XKR6: variants seen among roughly 807,000 people sequenced by gnomAD.
XKR6 encodes XK-related protein 6.
A neutral mutation model predicts 56.7 loss-of-function variants in XKR6; 22 were observed. The observed-to-expected ratio is 0.39, with a 90% CI of 0.28 to 0.55. The LOEUF is 0.55. XKR6 is among the 20% of genes least tolerant of loss of function. The pLI, the probability that XKR6 is intolerant of heterozygous loss-of-function variation, is 0.66. For missense variants in XKR6, 852 were observed against 889.0 expected (o/e 0.96, Z 0.53); for synonymous variants, 524 against 387.8 (o/e 1.35, Z -4.13).
intron 1 of XKR6, among the ~76,000 whole-genome samples, chr8:11,040,244 A>G (rs532284898): frequency 4.4e-4 from 66 of 151,636 alleles, no homozygotes; most frequent in African/African-American, 1.5e-3. Context: ...GTCCCTCAAA[A>G]CTACCACAGC....
chr8:11,006,090 C>T (rs932269250), intron 1 of XKR6, among the ~76,000 whole-genome samples: 4 of 151,950 alleles, frequency 2.6e-5, no homozygotes, highest in Non-Finnish European at 5.9e-5. Context: ...GTGATCCGCC[C>T]GCCTCGGCCT....
chr8:10,930,292 A>T (rs1191128067), intron 1 of XKR6, among the ~76,000 whole-genome samples: 1 of 152,260 alleles, frequency 6.6e-6, no homozygotes, highest in African/African-American at 2.4e-5. Flanking sequence ...TCAAAGCCCC[A>T]AACAGGGGTA....
intron 1 of XKR6, among the ~76,000 whole-genome samples, chr8:11,146,324 A>G (rs140993987): frequency 1.2e-3 from 187 of 152,342 alleles, no homozygotes; most frequent in Non-Finnish European, 2.2e-3. Flanking sequence ...CAAAAAGCAC[A>G]ACCTGTTAAA....
chr8:11,165,843 G>C (rs1162062098), intron 1 of XKR6, among the ~76,000 whole-genome samples: 1 of 151,984 alleles, frequency 6.6e-6, no homozygotes, highest in Non-Finnish European at 1.5e-5. Flanking sequence ...TGCATATACT[G>C]TGTCCTATAC....
intron 1 of XKR6, among the ~76,000 whole-genome samples, chr8:10,926,818 G>C (rs910445484): frequency 3.3e-5 from 5 of 152,258 alleles, no homozygotes; most frequent in Admixed American, 2.0e-4. Context: ...CTGCCCGTGA[G>C]TTCACAAAAT....
intron 1 of XKR6, among the ~76,000 whole-genome samples, chr8:11,186,281 T>C (rs1803269008): frequency 6.6e-6 from 1 of 152,202 alleles, no homozygotes. Flanking sequence ...TCTCCTGTGA[T>C]GTGAAGGTGT....
chr8:10,912,306 G>GTATATATA (rs535084135), intron 2 of XKR6, among the ~76,000 whole-genome samples: 1,074 of 55,104 alleles, frequency 0.019, 7 homozygotes, highest in East Asian at 0.068. Flanking sequence ...AAGAGAGGGT[G>GTATATATA]TATATATATA....
intron 1 of XKR6, among the ~76,000 whole-genome samples, chr8:10,942,434 C>A (rs977735337): frequency 6.6e-6 from 1 of 152,222 alleles, no homozygotes; most frequent in African/African-American, 2.4e-5. Flanking sequence ...TGGGCGAGGT[C>A]TCTTGCCTGT....
chr8:11,055,146 A>G (rs920933027), intron 1 of XKR6, among the ~76,000 whole-genome samples: 7 of 152,216 alleles, frequency 4.6e-5, no homozygotes, highest in African/African-American at 9.7e-5. Flanking sequence ...TATAGGGACT[A>G]CTACCCTGGA....
chr8:11,004,125 G>A (rs539618190), intron 1 of XKR6, among the ~76,000 whole-genome samples: 295 of 152,278 alleles, frequency 1.9e-3, no homozygotes, highest in African/African-American at 6.7e-3. Context: ...TGGGAGTTAT[G>A]AGGAGCCCTG....
At chr8:11,154,408 G>C (rs1801409207) in intron 1 of XKR6, among the ~76,000 whole-genome samples, 1 of 152,228 alleles carries the variant, frequency 6.6e-6, no homozygotes, top group Non-Finnish European at 1.5e-5. Context: ...CCATGGAAGA[G>C]GAGAACGGAA....
chr8:11,065,127 A>G (rs1799943066), intron 1 of XKR6, among the ~76,000 whole-genome samples: 1 of 152,244 alleles, frequency 6.6e-6, no homozygotes, highest in Non-Finnish European at 1.5e-5. Flanking sequence ...AAGACTGACT[A>G]TAACTTTCTT....
At chr8:10,948,919 T>C (rs1801631888) in intron 1 of XKR6, among the ~76,000 whole-genome samples, 1 of 152,172 alleles carries the variant, frequency 6.6e-6, no homozygotes, top group Non-Finnish European at 1.5e-5. Context: ...GTCCACATGT[T>C]AGAGCCCAAA....
chr8:11,061,628 GCCCTGAAAGACCA>G (rs1320771127), intron 1 of XKR6, among the ~76,000 whole-genome samples: 1 of 152,076 alleles, frequency 6.6e-6, no homozygotes, highest in Non-Finnish European at 1.5e-5. Flanking sequence ...CATTCAACAT[GCCCTGAAAGACCA>G]CCCTGGCCTG....
At chr8:11,094,920 G>C (rs1161527168) in intron 1 of XKR6, among the ~76,000 whole-genome samples, 1 of 152,214 alleles carries the variant, frequency 6.6e-6, no homozygotes, top group Non-Finnish European at 1.5e-5. Flanking sequence ...AGGAAGAGCA[G>C]CTAGTGGGTG....
Position 10,898,189 on chromosome 8 carries a change from G to A in XKR6, c.1689C>T (p.Phe563=). ...DLTADTCLPV[F]QVRPMGPPTP... is the part of the protein sequence containing the mutation. The stretch of plus-strand genomic sequence containing the variant: ...TAGGGGGCCCCATGGGTCTCACTTG[G>A]AAAACAGGCAAGCAAGTGTCAGCCG... The change falls in exon 3 of 3, where the codon TTC becomes TTT. Residue 563 remains phenylalanine, a synonymous_variant. Transcript: ENST00000416569. This position sits in a 1 kb window ranked among gnomAD's most constrained non-coding sequence, Gnocchi z 6.6. 6.2e-7 allele frequency: 1 copy of A among 1,614,136 alleles called. No homozygotes were observed. The highest frequency in any genetic ancestry group is 8.5e-7 in the Non-Finnish European group (1 of 1,180,020).
rs527345642 is a variant in XKR6 at position 11,071,577 on chromosome 8, C to A, written c.764+128999G>T. Among the ~76,000 whole-genome samples the A allele has an allele frequency of 2.2e-3, 325 of 148,006 alleles. 1 individual carries two copies. Among genetic ancestry groups the A allele is most frequent in the African/African-American group, 7.8e-3 (309 of 39,694 alleles). On this transcript the variant is annotated intron_variant, in intron 1 of 2. Coordinates refer to ENST00000416569, the MANE Select transcript of XKR6 (RefSeq NM_173683.4). ...AGTCCATGAGCCCCGAGTCCATGAG[C>A]CCCGAGTCCATGAGCCCCGAGTCTA...
intron 1 of XKR6, among the ~76,000 whole-genome samples, chr8:11,034,929 G>C (rs997148194): frequency 6.6e-6 from 1 of 152,208 alleles, no homozygotes; most frequent in African/African-American, 2.4e-5. Context: ...TAATGTACTA[G>C]CCAAACCCTG....
At chr8:11,082,115 G>A (rs865920145) in intron 1 of XKR6, among the ~76,000 whole-genome samples, 25 of 152,252 alleles carry the variant, frequency 1.6e-4, no homozygotes, top group Admixed American at 5.9e-4. Context: ...AGAAGATGCT[G>A]CCGTCGGGTG....
Sources: allele counts gnomAD v4.1 joint callset (sites outside exome capture counted in the v4.1 genomes callset), GRCh38; gene constraint gnomAD v4.1.1; non-coding constraint Gnocchi (gnomAD v3.1); transcripts MANE v1.5; gene names NCBI Gene and HGNC (gene_info 2026-07-23, HGNC 2026-07-21).